The following EPS8 variants were observed in gnomAD, a reference collection of about 807,000 sequenced individuals.
EPS8 encodes epidermal growth factor receptor kinase substrate 8.
EPS8 carries 42 observed loss-of-function variants against 103.8 expected under a neutral mutation model. That is an observed-to-expected ratio of 0.40 (90% CI 0.32 to 0.52). The LOEUF (loss-of-function observed/expected upper bound fraction) is 0.52. EPS8 is among the 20% of genes least tolerant of loss of function. The pLI, the probability that EPS8 is intolerant of heterozygous loss-of-function variation, is 0.40. For synonymous variants in EPS8, 344 were observed against 344.6 expected, an observed-to-expected ratio of 1.00 and a Z score of 0.02; for missense variants, 969 against 1,005.1, an observed-to-expected ratio of 0.96 and a Z score of 0.49.
At chr12:15,692,319 G>T (rs370707490) in intron 1 of EPS8, among the ~76,000 whole-genome samples, 44 of 120,294 alleles carry the variant, frequency 3.7e-4, no homozygotes, top group African/African-American at 1.2e-3. Context: ...AAGAGGTTTG[G>T]TTTTTTTTTT....
In EPS8 at chr12:15,764,594, T is replaced by C. The variant is rs1947074411; in HGVS notation, c.-22+24567A>G. 6.6e-6 allele frequency among the ~76,000 whole-genome samples: 1 copy of C among 152,212 alleles called. No individual in the cohort carries two copies. The highest frequency in any genetic ancestry group is 1.5e-5 in the Non-Finnish European group (1 of 68,042). ...AACCTAAAGATTTTATTTTCAGGGC[T>C]TGATGAAACTTCAACCAGATAAAGT... On this transcript the variant is annotated intron_variant, in intron 1 of 20. Transcript: ENST00000281172. This position sits in a 1 kb window ranked among gnomAD's most constrained non-coding sequence, Gnocchi z 4.1.
Position 15,762,745 on chromosome 12 carries a change from G to T in EPS8, c.-22+26416C>A, listed in dbSNP as rs996007329. On this transcript the variant is annotated intron_variant, in intron 1 of 20. Coordinates refer to ENST00000281172, the MANE Select transcript of EPS8 (RefSeq NM_004447.6). This position sits in a 1 kb window ranked among gnomAD's most constrained non-coding sequence, Gnocchi z 4.8. ...AAAAACAATTGAACTCATGGAGAGA[G>T]AGTATAGAAGGATGGTTACCAGAGG... is the stretch of plus-strand genomic sequence containing the variant. 2.0e-5 allele frequency among the ~76,000 whole-genome samples: 3 copies of T among 152,166 alleles called. No individual in the cohort carries two copies. The highest frequency in any genetic ancestry group is 6.6e-5 in the Admixed American group (1 of 15,266).
chr12:15,640,734 C>A lies in EPS8; in HGVS notation c.1790G>T (p.Arg597Leu), dbSNP rs781619305. ...AGTATGAGTATAAGGTGGATCAGCA[C>A]GCCCCAATCCAGATTCTGGAGGTCT... ...IVRPPESGLGRADPPYTHTIQ... is the reference protein window; with the variant it reads ...IVRPPESGLGLADPPYTHTIQ... Residue 597 changes from arginine to leucine, a missense_variant, in exon 17 of 21, where the codon CGT (arginine) becomes CTT (leucine). Physicochemically the swap from Arg to Leu is moderately radical, Grantham distance 102. Coordinates refer to ENST00000281172, the MANE Select transcript of EPS8 (RefSeq NM_004447.6). The A allele has an allele frequency of 1.9e-6, 3 of 1,613,948 alleles. No homozygotes were observed. Among genetic ancestry groups the A allele is most frequent in the Non-Finnish European group, 2.5e-6 (3 of 1,179,858 alleles).
chr12:15,641,166 C>A (rs1341327197), intron 16 of EPS8, among the ~76,000 whole-genome samples: 1 of 152,082 alleles, frequency 6.6e-6, no homozygotes, highest in Non-Finnish European at 1.5e-5. Flanking sequence ...CCCATTGTCT[C>A]CATTTTGGTG....
At chr12:15,715,394 C>CTTTTTTTTTTTTTTTTTTTTTTTT (rs3086457) in intron 1 of EPS8, among the ~76,000 whole-genome samples, 2 of 127,182 alleles carry the variant, frequency 1.6e-5, no homozygotes, top group Non-Finnish European at 3.2e-5. Flanking sequence ...CTTTACTTTT[C>CTTTTTTTTTTTTTTTTTTTTTTTT]TTTTTTTTTT....
intron 1 of EPS8, among the ~76,000 whole-genome samples, chr12:15,719,241 A>G (rs1486898114): frequency 2.0e-5 from 3 of 152,126 alleles, no homozygotes; most frequent in Admixed American, 6.6e-5. Context: ...ATACTTACAT[A>G]TAAGTTAATT....
At chr12:15,726,124 C>A (rs1337480184) in intron 1 of EPS8, among the ~76,000 whole-genome samples, 3 of 152,080 alleles carry the variant, frequency 2.0e-5, no homozygotes, top group Non-Finnish European at 4.4e-5. Context: ...CTCCAGAAAG[C>A]CTTTGTGGGG....
At chr12:15,631,300 C>G (rs1027391361) in intron 18 of EPS8, 142 bp downstream of exon 18, 31 of 1,175,248 alleles carry the variant, frequency 2.6e-5, no homozygotes, top group Non-Finnish European at 3.7e-5. Flanking sequence ...TGATGAGAAA[C>G]CAGGTGAAAA....
At chr12:15,662,217 C>G (rs1180839063) in intron 8 of EPS8, 118 bp from the exon 9 acceptor site, 3 of 1,537,882 alleles carry the variant, frequency 2.0e-6, no homozygotes, top group Non-Finnish European at 2.6e-6. Context: ...AACACCTCCA[C>G]TGGATACACA....
At position 15,749,957 on chromosome 12, in the gene EPS8, C is replaced by T. The variant is rs11056631; in HGVS notation, c.-22+39204G>A. Among the ~76,000 whole-genome samples the T allele has an allele frequency of 1.1e-3, 161 of 152,252 alleles. 2 individuals carry two copies. The East Asian group carries it at 0.03, about 28-fold the overall frequency. On this transcript the variant is annotated intron_variant, in intron 1 of 20. Coordinates refer to ENST00000281172, the MANE Select transcript of EPS8 (RefSeq NM_004447.6). The surrounding 1 kb of genome is among the most constrained non-coding windows in gnomAD (Gnocchi z 4.0). ...ACTTCAGAAACCTAAAAGCCCACTGCCTTTTGTTCCTTTTGTCTAAGATTT... is the reference window on the plus strand; with the variant it reads ...ACTTCAGAAACCTAAAAGCCCACTGTCTTTTGTTCCTTTTGTCTAAGATTT...
At chr12:15,732,700 T>C (rs1258395053) in intron 1 of EPS8, 1 of 845,942 alleles carries the variant, frequency 1.2e-6, no homozygotes, top group African/African-American at 1.8e-5. Flanking sequence ...CAACATTTCT[T>C]AAAGATGAAA....
chr12:15,633,893 T>C (rs1945092183), intron 17 of EPS8, among the ~76,000 whole-genome samples: 1 of 152,192 alleles, frequency 6.6e-6, no homozygotes. Flanking sequence ...CACTGACTCC[T>C]AACGTCACTT....
rs1324214637 is a variant in EPS8, at chr12:15,698,369, G to A, written c.-21-15397C>T. On this transcript the variant is annotated intron_variant, in intron 1 of 20. Transcript: ENST00000281172. This position sits in a 1 kb window ranked among gnomAD's most constrained non-coding sequence, Gnocchi z 4.9. ...AAATTCAGCAGCTCTAGCTTCTAAC[G>A]AGAACTACTCAAGGAAAAGAACAAG... 6.6e-6 allele frequency among the ~76,000 whole-genome samples: 1 copy of A among 151,948 alleles called. No homozygotes were observed. The highest frequency in any genetic ancestry group is 2.4e-5 in the African/African-American group (1 of 41,368).
chr12:15,677,785 A>G (rs973144443), intron 3 of EPS8, among the ~76,000 whole-genome samples: 17 of 152,128 alleles, frequency 1.1e-4, no homozygotes, highest in African/African-American at 3.4e-4. Context: ...TCAACACACC[A>G]CACAAAACAC....
chr12:15,753,496 C>T (rs573118607), intron 1 of EPS8, among the ~76,000 whole-genome samples: 1 of 151,806 alleles, frequency 6.6e-6, no homozygotes, highest in Non-Finnish European at 1.5e-5. Flanking sequence ...ATAACTAATA[C>T]TACAGTACAA....
rs1946487612 is a variant in EPS8 at position 15,713,016 on chromosome 12, A to G, written c.-21-30044T>C. 1 of 985,164 alleles carries G rather than the reference A, an allele frequency of 1.0e-6. No homozygotes were observed. Among genetic ancestry groups the G allele is most frequent in the African/African-American group, 1.7e-5 (1 of 57,216 alleles). 61.0% of individuals were successfully genotyped at this position (985,164 alleles called of 1,614,324 possible). ...TGTACTGTACCAAACAAAATTTCTG[A>G]TTTGGTTTCTCTAGGGCGTTAACTA... On this transcript the variant is annotated intron_variant, in intron 1 of 20. Transcript: ENST00000281172. This position sits in a 1 kb window ranked among gnomAD's most constrained non-coding sequence, Gnocchi z 4.8.
At position 15,747,935 on chromosome 12, in the gene EPS8, G is replaced by T. The variant is rs1962580; in HGVS notation, c.-22+41226C>A. Among the ~76,000 whole-genome samples the T allele has an allele frequency of 6.6e-6, 1 of 151,962 alleles. No homozygotes were observed. The highest frequency in any genetic ancestry group is 6.6e-5 in the Admixed American group (1 of 15,262). ...CTCGGGAGTCTGAGGCAGGAGAATC[G>T]CTTGAACCCGGGAGGCGGAGATTGC... On this transcript the variant is annotated intron_variant, in intron 1 of 20. Coordinates refer to ENST00000281172, the MANE Select transcript of EPS8 (RefSeq NM_004447.6). The surrounding 1 kb of genome is among the most constrained non-coding windows in gnomAD (Gnocchi z 4.4).
chr12:15,652,716 T>C (rs1302607918), intron 13 of EPS8, among the ~76,000 whole-genome samples: 2 of 152,192 alleles, frequency 1.3e-5, no homozygotes, highest in African/African-American at 4.8e-5. Flanking sequence ...ATTTTCAATT[T>C]AAAAGCAACA....
At chr12:15,663,941 A>AATAAT (rs1555112152) in intron 8 of EPS8, among the ~76,000 whole-genome samples, 4 of 73,266 alleles carry the variant, frequency 5.5e-5, no homozygotes, top group Non-Finnish European at 1.0e-4. Context: ...AAAAAAAAAA[A>AATAAT]AAAAATAATA....
Sources: allele counts gnomAD v4.1 joint callset (sites outside exome capture counted in the v4.1 genomes callset), GRCh38; gene constraint gnomAD v4.1.1; non-coding constraint Gnocchi (gnomAD v3.1); transcripts MANE v1.5; gene names NCBI Gene and HGNC (gene_info 2026-07-23, HGNC 2026-07-21).